RBMS3: variants seen among roughly 807,000 people sequenced by gnomAD.
RBMS3 encodes RNA binding motif single stranded interacting protein 3.
In RBMS3, 27 loss-of-function variants were observed where a neutral mutation model predicts 66.8. The ratio of observed to expected loss-of-function variants is 0.40; its 90% CI spans 0.30 to 0.56. The LOEUF (loss-of-function observed/expected upper bound fraction) is 0.56. Ranked by LOEUF, RBMS3 falls within the 20% of genes least tolerant of loss-of-function variation. The probability of loss-of-function intolerance (pLI) is 0.40; values close to 1 mark genes in which losing one functional copy is unlikely to be tolerated. For synonymous variants in RBMS3, 188 were observed against 183.0 expected (o/e 1.03, Z -0.22); for missense variants, 513 against 549.5 (o/e 0.93, Z 0.66).
At chr3:29,462,491 G>A (rs1026983991) in intron 2 of RBMS3, among the ~76,000 whole-genome samples, 3 of 152,158 alleles carry the variant, frequency 2.0e-5, no homozygotes, top group African/African-American at 7.2e-5. Context: ...AGGCTAAATT[G>A]TTGGCAGTTG....
At chr3:29,419,041 C>G (rs2040593771) in intron 1 of RBMS3, among the ~76,000 whole-genome samples, 1 of 152,100 alleles carries the variant, frequency 6.6e-6, no homozygotes, top group African/African-American at 2.4e-5. Flanking sequence ...ATAAAGAATA[C>G]AGTTTACAGT....
Position 29,670,593 on chromosome 3 carries a change from A to G in RBMS3, c.400-69127A>G, listed in dbSNP as rs1416844469. Among the ~76,000 whole-genome samples the G allele has an allele frequency of 2.6e-5, 4 of 152,194 alleles. No homozygotes were observed. The East Asian group carries it at 7.7e-4, about 29-fold the overall frequency. On this transcript the variant is annotated intron_variant, in intron 4 of 14. Coordinates refer to ENST00000383767, the MANE Select transcript of RBMS3 (RefSeq NM_001003793.3). The stretch of plus-strand genomic sequence containing the variant: ...CAATGGTCTTAGCAAATGGCACACC[A>G]GGAGATTATATCTTGCACCTGGCTC...
chr3:29,974,613 A>T (rs1477514942), intron 12 of RBMS3, among the ~76,000 whole-genome samples: 1 of 151,460 alleles, frequency 6.6e-6, no homozygotes, highest in Non-Finnish European at 1.5e-5. Context: ...ATCCCCACAA[A>T]AGTATAAAAA....
At chr3:30,001,534 T>C (rs1214705335) in intron 14 of RBMS3, among the ~76,000 whole-genome samples, 2 of 151,990 alleles carry the variant, frequency 1.3e-5, no homozygotes, top group African/African-American at 4.8e-5. Flanking sequence ...GTATTGCAAG[T>C]TCTTTTTATA....
At chr3:29,735,566 C>G (rs895382900) in intron 4 of RBMS3, among the ~76,000 whole-genome samples, 3 of 152,132 alleles carry the variant, frequency 2.0e-5, no homozygotes, top group Non-Finnish European at 2.9e-5. Context: ...GCAAAATATT[C>G]ATTCAATGAC....
At chr3:29,513,832 C>T (rs761240562) in intron 3 of RBMS3, among the ~76,000 whole-genome samples, 2 of 152,120 alleles carry the variant, frequency 1.3e-5, no homozygotes, top group Non-Finnish European at 2.9e-5. Flanking sequence ...TTCCTAATTT[C>T]ATTCTATACT....
intron 1 of RBMS3, among the ~76,000 whole-genome samples, chr3:29,401,801 G>A: frequency 6.6e-6 from 1 of 152,138 alleles, no homozygotes; most frequent in South Asian, 2.1e-4. Context: ...AAAAACTTTA[G>A]TGCTTAGGTT....
chr3:29,605,520 C>T (rs1465305345), intron 4 of RBMS3, among the ~76,000 whole-genome samples: 1 of 151,812 alleles, frequency 6.6e-6, no homozygotes, highest in Admixed American at 6.6e-5. Context: ...TTCTGTACTT[C>T]ATGGTAGATC....
chr3:29,775,817 T>C (rs2056409191), intron 6 of RBMS3, among the ~76,000 whole-genome samples: 1 of 151,998 alleles, frequency 6.6e-6, no homozygotes, highest in Admixed American at 6.6e-5. Flanking sequence ...CACTGTATAT[T>C]ATTAGTGTTC....
At chr3:29,748,577 A>G (rs2055030960) in intron 5 of RBMS3, among the ~76,000 whole-genome samples, 1 of 152,206 alleles carries the variant, frequency 6.6e-6, no homozygotes, top group African/African-American at 2.4e-5. Flanking sequence ...CATGAAGATA[A>G]TGGTAGAGGC....
In RBMS3 at chr3:29,483,931, C is replaced by T. The variant is rs897344087; in HGVS notation, c.249-4510C>T. Among the ~76,000 whole-genome samples, 5 of 152,180 alleles carry T rather than the reference C, an allele frequency of 3.3e-5. No individual in the cohort carries two copies. The East Asian group carries it at 5.8e-4, about 18-fold the overall frequency. ...TTGCACAATAGACATGTAAAGTTTA[C>T]TTGGTGTGGATGCATGATCACAGTT... On this transcript the variant is annotated intron_variant, in intron 2 of 14. Transcript: ENST00000383767.
At chr3:29,851,935 C>T (rs1233477272) in intron 6 of RBMS3, among the ~76,000 whole-genome samples, 1 of 152,206 alleles carries the variant, frequency 6.6e-6, no homozygotes, top group East Asian at 1.9e-4. Flanking sequence ...AACTATACTA[C>T]ATAGCTACAG....
chr3:29,307,381 G>A (rs558426246), intron 1 of RBMS3, among the ~76,000 whole-genome samples: 1 of 152,064 alleles, frequency 6.6e-6, no homozygotes, highest in East Asian at 1.9e-4. Flanking sequence ...AGCTGGTACT[G>A]AGCAATGAGT....
At chr3:29,743,657 A>C (rs2054737168) in intron 5 of RBMS3, among the ~76,000 whole-genome samples, 1 of 150,894 alleles carries the variant, frequency 6.6e-6, no homozygotes, top group African/African-American at 2.4e-5. Context: ...ATCTGTTAAA[A>C]CTCTGATTGC....
chr3:29,312,751 A>G (rs571822193), intron 1 of RBMS3, among the ~76,000 whole-genome samples: 2 of 151,158 alleles, frequency 1.3e-5, no homozygotes, highest in Non-Finnish European at 3.0e-5. Flanking sequence ...ATAGAGATGA[A>G]GTCCCGTAAA....
intron 4 of RBMS3, among the ~76,000 whole-genome samples, chr3:29,654,765 T>G (rs1477617517): frequency 1.1e-5 from 1 of 87,064 alleles, no homozygotes; most frequent in East Asian, 5.0e-4. Context: ...AATTTTTGCG[T>G]TTTTTTTTTT....
chr3:29,673,547 C>T lies in RBMS3; in HGVS notation c.400-66173C>T, dbSNP rs538689535. 2.8e-3 allele frequency among the ~76,000 whole-genome samples: 422 copies of T among 150,430 alleles called. 2 individuals are homozygous for T. The highest frequency in any genetic ancestry group is 9.1e-3 in the African/African-American group (373 of 40,904). On this transcript the variant is annotated intron_variant, in intron 4 of 14. Coordinates refer to ENST00000383767, the MANE Select transcript of RBMS3 (RefSeq NM_001003793.3). Reference sequence around the variant, plus strand: ...AGAAAAGGGAGAAGAATCATATAGACGCAATAAAAAATAATAAAAGTGATA... The same window carrying T: ...AGAAAAGGGAGAAGAATCATATAGATGCAATAAAAAATAATAAAAGTGATA...
intron 2 of RBMS3, among the ~76,000 whole-genome samples, chr3:29,466,266 C>T (rs565205122): frequency 1.3e-5 from 2 of 152,074 alleles, no homozygotes; most frequent in East Asian, 3.9e-4. Context: ...ATTATGACAA[C>T]TGACAAAGCA....
chr3:29,750,940 C>T (rs2055149488), intron 5 of RBMS3, among the ~76,000 whole-genome samples: 1 of 152,118 alleles, frequency 6.6e-6, no homozygotes, highest in African/African-American at 2.4e-5. Context: ...GGGTTTAAAA[C>T]ACTTGATATT....
Sources: gnomAD v4.1 joint callset for allele counts (sites outside exome capture counted in the v4.1 genomes callset) on GRCh38, gnomAD v4.1.1 for gene constraint, MANE v1.5 for transcripts, NCBI Gene and HGNC (gene_info 2026-07-23, HGNC 2026-07-21) for gene names.